Variants in FAM20A observed in about 807,000 individuals in gnomAD.
The protein encoded by FAM20A is FAM20A golgi associated secretory pathway pseudokinase.
In FAM20A, 42 loss-of-function variants were observed where a neutral mutation model predicts 52.0. That is an observed-to-expected ratio of 0.81 (90% CI 0.63 to 1.04). The LOEUF is 1.04. Ranked by LOEUF, FAM20A falls within the 50% of genes least tolerant of loss-of-function variation. The pLI is 0.00. For missense variants in FAM20A, 742 were observed against 712.7 expected (o/e 1.04, Z -0.47); for synonymous variants, 304 against 298.9 (o/e 1.02, Z -0.18).
intron 1 of FAM20A, among the ~76,000 whole-genome samples, chr17:68,564,162 A>T (rs1341506767): frequency 6.6e-6 from 1 of 152,096 alleles, no homozygotes; most frequent in African/African-American, 2.4e-5. Context: ...CCCACGAGAT[A>T]CATATTCCTA....
rs1041535431 is a variant in FAM20A, at chr17:68,591,156, G to A, written c.404+9107C>T. 2.0e-5 allele frequency among the ~76,000 whole-genome samples: 3 copies of A among 152,144 alleles called. No individual in the cohort carries two copies. The South Asian group carries it at 6.2e-4, about 32-fold the overall frequency. ...GAGTCTCACTCTGTGGCCCAGGCTG[G>A]AGTGCAGTGGCGCGATCTCGGCTAA... On this transcript the variant is annotated intron_variant, in intron 1 of 10. Coordinates refer to ENST00000592554, the MANE Select transcript of FAM20A (RefSeq NM_017565.4).
chr17:68,583,476 C>T lies in FAM20A; in HGVS notation c.404+16787G>A, dbSNP rs76152600. On this transcript the variant is annotated intron_variant, in intron 1 of 10. Transcript: ENST00000592554. ...GCCTTTGTGGTCACGTTGTCTTCTC[C>T]TCTTCCGTCTGTGTCTAATCTCCTT... 2.1e-3 allele frequency among the ~76,000 whole-genome samples: 327 copies of T among 152,276 alleles called. 6 individuals carry two copies. In the East Asian group the frequency reaches 0.05, roughly 23 times the overall value.
At chr17:68,541,378 G>A (rs565039629) in intron 7 of FAM20A, 10 of 224,578 alleles carry the variant, frequency 4.5e-5, no homozygotes, top group African/African-American at 1.8e-4. Flanking sequence ...ACAATGCTCC[G>A]ATGCCCATTT....
rs541907617 is a variant in FAM20A, at chr17:68,559,816, C to T, written c.405-4073G>A. Among the ~76,000 whole-genome samples, 13 of 152,120 alleles carry T rather than the reference C, an allele frequency of 8.5e-5. No homozygotes were observed. The East Asian group carries it at 1.7e-3, about 20-fold the overall frequency. On this transcript the variant is annotated intron_variant, in intron 1 of 10. Coordinates refer to ENST00000592554, the MANE Select transcript of FAM20A (RefSeq NM_017565.4). ...TTTATAGGTATGATAATATAAAATC[C>T]GCACTGTTCTGAAACTTGCTTTATT...
intron 1 of FAM20A, among the ~76,000 whole-genome samples, chr17:68,573,467 C>G (rs1054383324): frequency 1.3e-5 from 2 of 149,996 alleles, no homozygotes; most frequent in Non-Finnish European, 3.0e-5. Context: ...TTCTTTCTTT[C>G]TTTCTTTCTC....
chr17:68,600,209 G>A lies in FAM20A; in HGVS notation c.404+54C>T, dbSNP rs1230188645. 3.9e-6 allele frequency: 6 copies of A among 1,537,128 alleles called. No individual in the cohort carries two copies. Among genetic ancestry groups the A allele is most frequent in the Non-Finnish European group, 5.3e-6 (6 of 1,141,518 alleles). ...GTCAGGAAACTCGAGACTGGGGCGC[G>A]GGGAGGCCCCGGCCAGAGCGCCCGC... On this transcript the variant is annotated intron_variant, in intron 1 of 10. Transcript: ENST00000592554. This position sits in a 1 kb window ranked among gnomAD's most constrained non-coding sequence, Gnocchi z 6.2.
intron 4 of FAM20A, chr17:68,551,105 G>A (rs1213962469): frequency 2.4e-6 from 3 of 1,234,228 alleles, no homozygotes; most frequent in Non-Finnish European, 3.0e-6. Flanking sequence ...ATCTCAAGGA[G>A]GAGCATTCCC....
At chr17:68,575,079 A>T (rs1254963938) in intron 1 of FAM20A, 2 of 152,078 alleles carry the variant, frequency 1.3e-5, no homozygotes, top group Non-Finnish European at 2.9e-5. Context: ...AAATTCCTGG[A>T]GTCACCAGAA....
chr17:68,593,663 C>A (rs2088371099), intron 1 of FAM20A, among the ~76,000 whole-genome samples: 2 of 152,162 alleles, frequency 1.3e-5, no homozygotes, highest in African/African-American at 4.8e-5. Flanking sequence ...GACTAACAGC[C>A]CCCAAATCCT....
rs2086095697 is a variant in FAM20A, at chr17:68,536,347, C to A, written c.*1130G>T. On this transcript the variant is annotated 3_prime_UTR_variant, in exon 11 of 11. Transcript: ENST00000592554. ...GACTAGTCACTCCATGGAATGAAGA[C>A]CTTACTGTCCTTTGTGTTTTCGGTC... 2.2e-6 allele frequency: 1 copy of A among 454,018 alleles called. No homozygotes were observed. Among genetic ancestry groups the A allele is most frequent in the Admixed American group, 2.4e-5 (1 of 42,552 alleles). 28.1% of individuals were successfully genotyped at this position (454,018 alleles called of 1,614,324 possible).
chr17:68,552,044 T>A (rs1453698855), intron 3 of FAM20A, 93 bp from the exon 4 acceptor site: 1 of 798,636 alleles, frequency 1.3e-6, no homozygotes, highest in Non-Finnish European at 2.2e-6. Context: ...TGACTTCGCT[T>A]TCCTCTTATG....
chr17:68,539,315 T>C (rs1380157921), intron 10 of FAM20A, 22 bp downstream of exon 10: 1 of 1,613,656 alleles, frequency 6.2e-7, no homozygotes, highest in African/African-American at 1.3e-5. Flanking sequence ...TTGCCCGTAT[T>C]ATCTGCTGCA....
Position 68,537,069 on chromosome 17 carries a change from A to G in FAM20A, c.*408T>C, listed in dbSNP as rs756686151. ...GTGATAGGCCAGGTGTTTTGTCTGG[A>G]CCAGGAGTTATCTTTGACTTGTAGC... is the stretch of plus-strand genomic sequence containing the variant. On this transcript the variant is annotated 3_prime_UTR_variant, in exon 11 of 11. Transcript: ENST00000592554. The surrounding 1 kb of genome is among the most constrained non-coding windows in gnomAD (Gnocchi z 4.2). 1 of 458,658 alleles carries G rather than the reference A, an allele frequency of 2.2e-6. No homozygotes were observed. The highest frequency in any genetic ancestry group is 2.0e-5 in the African/African-American group (1 of 50,214). The allele number at this position is 458,658 out of a possible 1,614,324, so 28.4% of individuals were successfully genotyped here.
intron 1 of FAM20A, among the ~76,000 whole-genome samples, chr17:68,589,866 A>G (rs570102091): frequency 1.2e-4 from 18 of 152,314 alleles, no homozygotes; most frequent in African/African-American, 4.1e-4. Context: ...GTAAGGGGAG[A>G]CAGGAATAAT....
chr17:68,581,233 C>T (rs1195304324), intron 1 of FAM20A, among the ~76,000 whole-genome samples: 1 of 152,170 alleles, frequency 6.6e-6, no homozygotes, highest in Non-Finnish European at 1.5e-5. Flanking sequence ...ACTAAGCCTC[C>T]TGGACACAAA....
intron 1 of FAM20A, chr17:68,591,742 T>TGGG (rs35072390): frequency 0.075 from 11,458 of 152,126 alleles, 527 homozygotes; most frequent in Non-Finnish European, 0.1. Flanking sequence ...ACTGGGAGGA[T>TGGG]GGGGGTGGAG....
intron 1 of FAM20A, among the ~76,000 whole-genome samples, chr17:68,565,032 T>C (rs2143767105): frequency 6.6e-6 from 1 of 152,250 alleles, no homozygotes; most frequent in Admixed American, 6.5e-5. Context: ...AATTTCCTTG[T>C]TTTGAGGAAA....
intron 1 of FAM20A, chr17:68,590,272 A>C (rs2088267982): frequency 6.6e-6 from 1 of 152,226 alleles, no homozygotes; most frequent in Admixed American, 6.5e-5. Flanking sequence ...AGATGTGCAA[A>C]GCTTGGAAAA....
At chr17:68,544,129 G>T (rs189715389) in intron 4 of FAM20A, among the ~76,000 whole-genome samples, 2 of 152,288 alleles carry the variant, frequency 1.3e-5, no homozygotes, top group Admixed American at 1.3e-4. Flanking sequence ...GAAAGGTGGG[G>T]TATGAGCCAG....
Sources: gnomAD v4.1 joint callset for allele counts (sites outside exome capture counted in the v4.1 genomes callset) on GRCh38, gnomAD v4.1.1 for gene constraint, Gnocchi (gnomAD v3.1) non-coding constraint, MANE v1.5 for transcripts, NCBI Gene and HGNC (gene_info 2026-07-23, HGNC 2026-07-21) for gene names.